Variants in PLPP4 observed in about 807,000 individuals in gnomAD.
PLPP4 encodes phospholipid phosphatase 4.
Under a neutral mutation model 32.2 loss-of-function variants are expected in PLPP4, and 20 were observed. The observed-to-expected ratio is 0.62, with a 90% CI of 0.44 to 0.90. The LOEUF (loss-of-function observed/expected upper bound fraction) is 0.90. PLPP4 is among the 40% of genes least tolerant of loss of function. The pLI, the probability that PLPP4 is intolerant of heterozygous loss-of-function variation, is 0.00. For missense variants in PLPP4, 257 were observed against 353.1 expected, an observed-to-expected ratio of 0.73 and a Z score of 2.18; for synonymous variants, 127 against 133.0, an observed-to-expected ratio of 0.95 and a Z score of 0.31.
At chr10:120,527,354 CCTT>C (rs1375423231) in intron 5 of PLPP4, among the ~76,000 whole-genome samples, 6 of 152,160 alleles carry the variant, frequency 3.9e-5, no homozygotes, top group South Asian at 2.1e-4. Context: ...ACGTAGAACT[CCTT>C]CTTATCTGGG....
At chr10:120,533,000 G>A (rs188445513) in intron 5 of PLPP4, among the ~76,000 whole-genome samples, 97 of 152,220 alleles carry the variant, frequency 6.4e-4, no homozygotes, top group Non-Finnish European at 1.3e-3. Context: ...AGATAGGTGC[G>A]AAAGTAATTG....
intron 5 of PLPP4, among the ~76,000 whole-genome samples, chr10:120,528,209 G>C (rs1422208539): frequency 1.3e-5 from 2 of 151,800 alleles, no homozygotes; most frequent in East Asian, 3.9e-4. Flanking sequence ...CAAGTAGCTG[G>C]GACTACAGGC....
intron 1 of PLPP4, among the ~76,000 whole-genome samples, chr10:120,502,051 G>C (rs1299106372): frequency 6.6e-6 from 1 of 152,146 alleles, no homozygotes; most frequent in Non-Finnish European, 1.5e-5. Context: ...GAATTTTGGA[G>C]GGCTGATAGC....
chr10:120,480,572 T>C (rs1589737174), intron 1 of PLPP4, among the ~76,000 whole-genome samples: 1 of 152,236 alleles, frequency 6.6e-6, no homozygotes, highest in South Asian at 2.1e-4. Context: ...GGATTACACA[T>C]GCAGTCGGCA....
intron 1 of PLPP4, among the ~76,000 whole-genome samples, chr10:120,463,649 G>C (rs1361155508): frequency 6.6e-6 from 1 of 152,156 alleles, no homozygotes; most frequent in Non-Finnish European, 1.5e-5. Context: ...TACAACTGTG[G>C]CCTTTGGCGT....
rs1043169968 is a variant in PLPP4, at chr10:120,591,603, C to A, written c.*2101C>A. Reference sequence around the variant, plus strand: ...CAAAATAGAAATGTAGGAAAAAGATCCTTTGCTACTGTTAAAAAAAAAAAC... The same window carrying A: ...CAAAATAGAAATGTAGGAAAAAGATACTTTGCTACTGTTAAAAAAAAAAAC... On this transcript the variant is annotated 3_prime_UTR_variant, in exon 7 of 7. Transcript: ENST00000398250. 7.1e-6 allele frequency among the ~76,000 whole-genome samples: 1 copy of A among 141,758 alleles called. No homozygotes were observed. The highest frequency in any genetic ancestry group is 2.6e-5 in the African/African-American group (1 of 38,406). 93.0% of individuals were successfully genotyped at this position (141,758 alleles called of 152,430 possible). A position where few individuals can be genotyped will look rare whatever the true frequency, so the allele number is the denominator to read the frequency against.
At chr10:120,585,267 A>C (rs1849700010) in intron 6 of PLPP4, among the ~76,000 whole-genome samples, 1 of 152,274 alleles carries the variant, frequency 6.6e-6, no homozygotes, top group Non-Finnish European at 1.5e-5. Flanking sequence ...AACTTCATTT[A>C]ATCACGTTAA....
At chr10:120,540,593 G>T (rs1251222276) in intron 5 of PLPP4, among the ~76,000 whole-genome samples, 1 of 152,196 alleles carries the variant, frequency 6.6e-6, no homozygotes, top group Non-Finnish European at 1.5e-5. Flanking sequence ...ACAGGGCAAA[G>T]TGAGAAGAGA....
intron 5 of PLPP4, among the ~76,000 whole-genome samples, chr10:120,528,665 G>A (rs966751968): frequency 2.0e-5 from 3 of 152,026 alleles, no homozygotes; most frequent in African/African-American, 4.8e-5. Flanking sequence ...CCAAATAAAG[G>A]AAGACTCCCC....
chr10:120,500,682 G>C (rs1327105016), intron 1 of PLPP4, among the ~76,000 whole-genome samples: 1 of 121,844 alleles, frequency 8.2e-6, no homozygotes, highest in African/African-American at 2.9e-5. Context: ...TTCTGGGGGT[G>C]GGGGGGTGGG....
intron 4 of PLPP4, 149 bp from the exon 5 acceptor site, chr10:120,520,822 T>G: frequency 7.9e-6 from 7 of 890,318 alleles, no homozygotes; most frequent in Non-Finnish European, 1.0e-5. Flanking sequence ...CAAACGGCTG[T>G]GTCTAGAGTA....
intron 5 of PLPP4, among the ~76,000 whole-genome samples, chr10:120,526,623 G>A (rs1292543400): frequency 1.3e-5 from 2 of 152,132 alleles, no homozygotes; most frequent in African/African-American, 2.4e-5. Flanking sequence ...TTTTCCATCT[G>A]TTTGTTCAGG....
At chr10:120,459,769 C>T (rs1207436040) in intron 1 of PLPP4, among the ~76,000 whole-genome samples, 1 of 152,108 alleles carries the variant, frequency 6.6e-6, no homozygotes, top group Non-Finnish European at 1.5e-5. Context: ...ACTTATGCCC[C>T]CGGAGAAACA....
chr10:120,464,132 T>G (rs1848206798), intron 1 of PLPP4, among the ~76,000 whole-genome samples: 1 of 152,214 alleles, frequency 6.6e-6, no homozygotes, highest in African/African-American at 2.4e-5. Context: ...TTACCTGCTG[T>G]GTGAGTTTTG....
chr10:120,465,952 A>T (rs1310350993), intron 1 of PLPP4, among the ~76,000 whole-genome samples: 1 of 152,084 alleles, frequency 6.6e-6, no homozygotes, highest in Non-Finnish European at 1.5e-5. Flanking sequence ...CCACGGATAT[A>T]TGGGATATTT....
In PLPP4 at chr10:120,462,770, C is replaced by T. The variant is rs1399106068; in HGVS notation, c.56+5409C>T. 4.1e-5 allele frequency among the ~76,000 whole-genome samples: 6 copies of T among 147,946 alleles called. No individual in the cohort carries two copies. In the East Asian group the frequency reaches 1.2e-3, roughly 29 times the overall value. Reference sequence around the variant, plus strand: ...GCAGAATCTGCATTTTGAACAGGGGCTCCTTCCATCCGCTGCCTTTGGGAA... The same window carrying T: ...GCAGAATCTGCATTTTGAACAGGGGTTCCTTCCATCCGCTGCCTTTGGGAA... On this transcript the variant is annotated intron_variant, in intron 1 of 6. Transcript: ENST00000398250.
chr10:120,496,676 A>G (rs557869741), intron 1 of PLPP4, among the ~76,000 whole-genome samples: 1 of 152,304 alleles, frequency 6.6e-6, no homozygotes, highest in East Asian at 1.9e-4. Context: ...CCAGTGTTAT[A>G]GGACAGTACC....
At chr10:120,546,867 G>A (rs1362719590) in intron 5 of PLPP4, among the ~76,000 whole-genome samples, 2 of 152,188 alleles carry the variant, frequency 1.3e-5, no homozygotes, top group Non-Finnish European at 2.9e-5. Context: ...GAATACATGA[G>A]AGAGTGTTTC....
chr10:120,515,244 G>A (rs1447323492), intron 3 of PLPP4, among the ~76,000 whole-genome samples: 1 of 152,202 alleles, frequency 6.6e-6, no homozygotes, highest in African/African-American at 2.4e-5. Flanking sequence ...CACAGGGACT[G>A]GAATGGGGAG....
Sources: allele counts gnomAD v4.1 joint callset (sites outside exome capture counted in the v4.1 genomes callset), GRCh38; gene constraint gnomAD v4.1.1; transcripts MANE v1.5; gene names NCBI Gene and HGNC (gene_info 2026-07-23, HGNC 2026-07-21).